The following CNTLN variants were observed in gnomAD, a reference collection of about 807,000 sequenced individuals.
CNTLN encodes centlein, also known as centlein, centrosomal protein.
In CNTLN, 212 loss-of-function variants were observed where a neutral mutation model predicts 180.0. The ratio of observed to expected loss-of-function variants is 1.18; its 90% CI spans 1.05 to 1.32. CNTLN has a LOEUF of 1.32. Ranked by LOEUF, CNTLN falls within the 40% of genes most tolerant of loss-of-function variation. The pLI is 0.00. For synonymous variants in CNTLN, 722 were observed against 563.1 expected, an observed-to-expected ratio of 1.28 and a Z score of -3.99; for missense variants, 2,095 against 1,610.9, an observed-to-expected ratio of 1.30 and a Z score of -5.14.
intron 18 of CNTLN, among the ~76,000 whole-genome samples, chr9:17,422,321 A>T (rs1193013652): frequency 1.3e-5 from 2 of 151,246 alleles, no homozygotes; most frequent in African/African-American, 4.9e-5. Context: ...TTTATCCTTG[A>T]CCTTTGGGAT....
chr9:17,347,621 A>T (rs1279648936), intron 12 of CNTLN, among the ~76,000 whole-genome samples: 1 of 150,458 alleles, frequency 6.6e-6, no homozygotes, highest in Non-Finnish European at 1.5e-5. Flanking sequence ...GTGAACCGAG[A>T]TCATGCCATT....
intron 18 of CNTLN, among the ~76,000 whole-genome samples, chr9:17,452,286 C>T (rs1830831094): frequency 6.6e-6 from 1 of 152,126 alleles, no homozygotes; most frequent in African/African-American, 2.4e-5. Flanking sequence ...CCAGGTCTCC[C>T]TGATGGAGAA....
At chr9:17,347,656 C>T (rs1272666608) in intron 12 of CNTLN, among the ~76,000 whole-genome samples, 1 of 122,642 alleles carries the variant, frequency 8.2e-6, no homozygotes, top group Admixed American at 9.7e-5. Flanking sequence ...GTCTGGGTGA[C>T]AGTAAGACTC....
downstream of CNTLN, among the ~76,000 whole-genome samples, chr9:17,508,448 C>T (rs143158091): frequency 1.3e-5 from 2 of 152,202 alleles, no homozygotes; most frequent in African/African-American, 4.8e-5. Context: ...ACATTCACTT[C>T]GTTGGAGTGT....
rs371177860 is a variant in CNTLN at position 17,293,636 on chromosome 9, G to C, written c.984-4554G>C. 3.9e-5 allele frequency among the ~76,000 whole-genome samples: 6 copies of C among 152,330 alleles called. No individual in the cohort carries two copies. The East Asian group carries it at 9.7e-4, about 25-fold the overall frequency. On this transcript the variant is annotated intron_variant, in intron 6 of 25. Transcript: ENST00000380647. ...CATCTAGTCTTCCTGGCACTGGCAG[G>C]GGAAAATTGGCAGACTGGAGCTGCA... is the stretch of plus-strand genomic sequence containing the variant.
intron 2 of CNTLN, among the ~76,000 whole-genome samples, chr9:17,188,385 A>C (rs1821569288): frequency 6.6e-6 from 1 of 152,122 alleles, no homozygotes; most frequent in Non-Finnish European, 1.5e-5. Context: ...GTTTTCAAAA[A>C]CTATGACCCT....
At chr9:17,528,282 C>A in the CNTLN span, among the ~76,000 whole-genome samples, 8 of 152,168 alleles carry the variant, frequency 5.3e-5, no homozygotes, top group Non-Finnish European at 1.0e-4. Flanking sequence ...TCAAGGTTAA[C>A]AATGGTGATA....
chr9:17,430,800 A>G (rs541911900), intron 18 of CNTLN, among the ~76,000 whole-genome samples: 1 of 152,186 alleles, frequency 6.6e-6, no homozygotes, highest in South Asian at 2.1e-4. Flanking sequence ...AGAATATGTG[A>G]TATTTGTATT....
At chr9:17,517,644 G>T in the CNTLN span, among the ~76,000 whole-genome samples, 4 of 152,006 alleles carry the variant, frequency 2.6e-5, no homozygotes, top group South Asian at 8.3e-4. Flanking sequence ...GCCAAGGACT[G>T]CCAGCCACCA....
chr9:17,260,177 C>G lies in CNTLN; in HGVS notation c.850-13556C>G, dbSNP rs192945090. Among the ~76,000 whole-genome samples, 33 of 147,774 alleles carry G rather than the reference C, an allele frequency of 2.2e-4. 2 individuals carry two copies. The South Asian group carries it at 3.1e-3, about 14-fold the overall frequency. On this transcript the variant is annotated intron_variant, in intron 5 of 25. Coordinates refer to ENST00000380647, the MANE Select transcript of CNTLN (RefSeq NM_017738.4). ...TCCCAGAGATTCTGGTATGTTATGT[C>G]TTTGTTCTCTTTGGTTTCAAAGAAC...
At chr9:17,494,491 A>G (rs1240834836) in intron 25 of CNTLN, among the ~76,000 whole-genome samples, 4 of 152,108 alleles carry the variant, frequency 2.6e-5, no homozygotes, top group Non-Finnish European at 4.4e-5. Flanking sequence ...AGTAGCCAAT[A>G]GTTATTTTTT....
At chr9:17,268,377 G>A (rs10962978) in intron 5 of CNTLN, among the ~76,000 whole-genome samples, 17,999 of 152,126 alleles carry the variant, frequency 0.12, 1,352 homozygotes, top group African/African-American at 0.21. Context: ...AAATGCTGCT[G>A]CCTGATCGTT....
intron 25 of CNTLN, among the ~76,000 whole-genome samples, chr9:17,488,831 A>G (rs1292387275): frequency 6.6e-6 from 1 of 152,050 alleles, no homozygotes; most frequent in Non-Finnish European, 1.5e-5. Context: ...GTGGACTCCT[A>G]ATTATTGACT....
intron 6 of CNTLN, among the ~76,000 whole-genome samples, chr9:17,292,129 C>G (rs568637584): frequency 2.6e-5 from 4 of 152,170 alleles, no homozygotes; most frequent in Non-Finnish European, 4.4e-5. Context: ...TAATGGCCCC[C>G]AATCTCTTCT....
Position 17,457,565 on chromosome 9 carries a change from A to T in CNTLN, c.3156A>T (p.Glu1052Asp). ...TGGCTGGGCTTCGGAAAGAAAAAGAAGATTTACTAAAGAAATTGGAGTCCT... is the reference window on the plus strand; with the variant it reads ...TGGCTGGGCTTCGGAAAGAAAAAGATGATTTACTAAAGAAATTGGAGTCCT... ...LDLAGLRKEK[E>D]DLLKKLESSS... Residue 1052 changes from glutamate to aspartate, a missense_variant, in exon 19 of 26, where the codon GAA (glutamate) becomes GAT (aspartate). By Grantham distance (45) the Glu-to-Asp change is conservative. Transcript: ENST00000380647. The T allele has an allele frequency of 1.3e-6, 2 of 1,525,962 alleles. No individual in the cohort carries two copies. The highest frequency in any genetic ancestry group is 1.8e-6 in the Non-Finnish European group (2 of 1,134,730). 94.5% of individuals were successfully genotyped at this position (1,525,962 alleles called of 1,614,324 possible).
Position 17,484,277 on chromosome 9 carries a change from C to G in CNTLN, c.3856-18C>G. Reference sequence around the variant, plus strand: ...TATGACTTTAATATAAGCTCAATTTCTTTCCAATATGTTACAGGCTTTGGC... The same window carrying G: ...TATGACTTTAATATAAGCTCAATTTGTTTCCAATATGTTACAGGCTTTGGC... On this transcript the variant is annotated intron_variant, in intron 23 of 25. Coordinates refer to ENST00000380647, the MANE Select transcript of CNTLN (RefSeq NM_017738.4). 1 of 1,560,892 alleles carries G rather than the reference C, an allele frequency of 6.4e-7. No individual in the cohort carries two copies.
intron 25 of CNTLN, among the ~76,000 whole-genome samples, chr9:17,499,765 A>T (rs189620854): frequency 6.6e-6 from 1 of 152,148 alleles, no homozygotes; most frequent in East Asian, 1.9e-4. Context: ...ATTTTCTGTT[A>T]TAAAATTACC....
At chr9:17,151,548 T>C (rs1185291898) in intron 2 of CNTLN, among the ~76,000 whole-genome samples, 1 of 152,238 alleles carries the variant, frequency 6.6e-6, no homozygotes, top group Non-Finnish European at 1.5e-5. Context: ...GATGTGCTGC[T>C]GGATTTGGTT....
intron 22 of CNTLN, among the ~76,000 whole-genome samples, chr9:17,466,348 T>C (rs996386555): frequency 1.3e-5 from 2 of 151,460 alleles, no homozygotes; most frequent in Non-Finnish European, 3.0e-5. Flanking sequence ...TTTTAAGAAA[T>C]GAAAACTATT....
Sources: allele counts gnomAD v4.1 joint callset (sites outside exome capture counted in the v4.1 genomes callset), GRCh38; gene constraint gnomAD v4.1.1; transcripts MANE v1.5; gene names NCBI Gene and HGNC (gene_info 2026-07-23, HGNC 2026-07-21).